The following NFX1 variants were observed in gnomAD, a reference collection of about 807,000 sequenced individuals.
The protein encoded by NFX1 is nuclear transcription factor, X-box binding 1.
A neutral mutation model predicts 137.2 loss-of-function variants in NFX1; 69 were observed. The ratio of observed to expected loss-of-function variants is 0.50; its 90% CI spans 0.41 to 0.61. The LOEUF is 0.61. Among genes scored for constraint, NFX1 ranks in the 20% least tolerant of loss-of-function variants. The pLI, the probability that NFX1 is intolerant of heterozygous loss-of-function variation, is 0.00. For synonymous variants in NFX1, 495 were observed against 474.1 expected (o/e 1.04, Z -0.57); for missense variants, 1,167 against 1,391.0 (o/e 0.84, Z 2.56).
chr9:33,357,115 TC>T (rs1242966906), intron 19 of NFX1, among the ~76,000 whole-genome samples: 1 of 151,018 alleles, frequency 6.6e-6, no homozygotes, highest in African/African-American at 2.4e-5. Flanking sequence ...ATCGAGACCA[TC>T]CTGGTAAAAC....
chr9:33,329,252 A>G (rs757205348), intron 10 of NFX1, among the ~76,000 whole-genome samples: 1 of 152,198 alleles, frequency 6.6e-6, no homozygotes, highest in Non-Finnish European at 1.5e-5. Context: ...CATACATGGA[A>G]TATTGCCAAC....
At chr9:33,345,152 A>T (rs557381723) in intron 14 of NFX1, among the ~76,000 whole-genome samples, 1 of 146,408 alleles carries the variant, frequency 6.8e-6, no homozygotes, top group East Asian at 2.0e-4. Flanking sequence ...ACAGAGTGAG[A>T]CTCCATCTCA....
chr9:33,358,683 T>G (rs1823895614), intron 19 of NFX1, among the ~76,000 whole-genome samples: 1 of 112,454 alleles, frequency 8.9e-6, no homozygotes, highest in Non-Finnish European at 1.8e-5. Context: ...TTTTTTTTGA[T>G]ACAGAGTCTC....
intron 11 of NFX1, among the ~76,000 whole-genome samples, chr9:33,336,648 C>G (rs1465102718): frequency 5.3e-5 from 8 of 152,164 alleles, no homozygotes; most frequent in Non-Finnish European, 1.0e-4. Context: ...GTCACCTTGA[C>G]TGGAGTGCAG....
At chr9:33,313,140 C>T (rs1822023238) in intron 6 of NFX1, among the ~76,000 whole-genome samples, 2 of 152,200 alleles carry the variant, frequency 1.3e-5, no homozygotes, top group South Asian at 4.1e-4. Flanking sequence ...TCTAACTCCT[C>T]ACCCCAGCAT....
chr9:33,367,068 A>G (rs2118707113), intron 22 of NFX1, among the ~76,000 whole-genome samples: 1 of 152,342 alleles, frequency 6.6e-6, no homozygotes, highest in Non-Finnish European at 1.5e-5. Flanking sequence ...TGCCCATCAT[A>G]TCTGCTCTTT....
chr9:33,352,904 T>C, intron 17 of NFX1, 185 bp downstream of exon 17: 1 of 552,512 alleles, frequency 1.8e-6, no homozygotes, highest in Non-Finnish European at 3.2e-6. Flanking sequence ...TCCTTGCAAC[T>C]TTTCTAAAAG....
intron 16 of NFX1, 88 bp from the exon 17 acceptor site, chr9:33,352,557 AT>A: frequency 1.8e-6 from 2 of 1,116,700 alleles, no homozygotes; most frequent in South Asian, 2.5e-5. Context: ...AGTCTCTGCT[AT>A]GGTTTAAGAG....
intron 16 of NFX1, 38 bp from the exon 17 acceptor site, chr9:33,352,608 A>G: frequency 1.3e-6 from 2 of 1,548,620 alleles, no homozygotes; most frequent in Non-Finnish European, 1.8e-6. Flanking sequence ...ACATAGTTCC[A>G]GTGTGCTAAA....
chr9:33,349,962 G>A (rs1309130693), intron 15 of NFX1, among the ~76,000 whole-genome samples: 1 of 151,964 alleles, frequency 6.6e-6, no homozygotes, highest in Non-Finnish European at 1.5e-5. Flanking sequence ...AGACACGATT[G>A]TGCAACTGCC....
chr9:33,304,314 C>T (rs1055679834), intron 4 of NFX1, among the ~76,000 whole-genome samples: 2 of 152,132 alleles, frequency 1.3e-5, no homozygotes, highest in African/African-American at 4.8e-5. Flanking sequence ...GACTCCTTTC[C>T]AGCCATATCT....
chr9:33,351,030 G>A (rs906078931), intron 15 of NFX1, among the ~76,000 whole-genome samples: 1 of 152,216 alleles, frequency 6.6e-6, no homozygotes, highest in African/African-American at 2.4e-5. Flanking sequence ...TGTAACCCCA[G>A]CTACTCGGGA....
At chr9:33,353,193 T>G (rs1823701420) in intron 17 of NFX1, among the ~76,000 whole-genome samples, 1 of 152,224 alleles carries the variant, frequency 6.6e-6, no homozygotes, top group African/African-American at 2.4e-5. Flanking sequence ...TTTTCTCTCT[T>G]TTGGTCGTAT....
chr9:33,291,938 A>G (rs192643345), intron 1 of NFX1, among the ~76,000 whole-genome samples: 9 of 152,260 alleles, frequency 5.9e-5, no homozygotes, highest in Non-Finnish European at 8.8e-5. Context: ...GCATTGGTGT[A>G]CCCTAGTCTT....
chr9:33,323,061 T>C (rs949186644), intron 9 of NFX1, among the ~76,000 whole-genome samples: 1 of 152,202 alleles, frequency 6.6e-6, no homozygotes, highest in African/African-American at 2.4e-5. Context: ...TCCTTGAGAC[T>C]GAGCGTAATC....
At chr9:33,302,505 G>A (rs1222629641) in intron 3 of NFX1, among the ~76,000 whole-genome samples, 2 of 151,384 alleles carry the variant, frequency 1.3e-5, no homozygotes, top group African/African-American at 4.9e-5. Context: ...GAGACTACAG[G>A]CACATGCCAC....
chr9:33,330,832 C>T (rs1375682373), intron 10 of NFX1, among the ~76,000 whole-genome samples: 3 of 151,906 alleles, frequency 2.0e-5, no homozygotes, highest in Admixed American at 1.3e-4. Flanking sequence ...AGCTCACTGT[C>T]AATACAAACT....
At chr9:33,292,463 T>C (rs778853826) in intron 1 of NFX1, among the ~76,000 whole-genome samples, 1 of 152,218 alleles carries the variant, frequency 6.6e-6, no homozygotes, top group Non-Finnish European at 1.5e-5. Flanking sequence ...GTTGGACACC[T>C]ACTGTGCTGC....
At chr9:33,345,940 A>G (rs1200223766) in intron 14 of NFX1, among the ~76,000 whole-genome samples, 1 of 152,198 alleles carries the variant, frequency 6.6e-6, no homozygotes. Flanking sequence ...TCATTTTACC[A>G]AATACCAGAG....
Sources: allele counts gnomAD v4.1 joint callset (sites outside exome capture counted in the v4.1 genomes callset), GRCh38; gene constraint gnomAD v4.1.1; transcripts MANE v1.5; gene names NCBI Gene and HGNC (gene_info 2026-07-23, HGNC 2026-07-21).